Variants in STXBP5L observed in about 807,000 individuals in gnomAD.
STXBP5L encodes syntaxin binding protein 5L.
A neutral mutation model predicts 144.5 loss-of-function variants in STXBP5L; 65 were observed. That is an observed-to-expected ratio of 0.45 (90% CI 0.37 to 0.55). The LOEUF is 0.55. Ranked by LOEUF, STXBP5L falls within the 20% of genes least tolerant of loss-of-function variation. The probability of loss-of-function intolerance (pLI) is 0.00; values close to 1 mark genes in which losing one functional copy is unlikely to be tolerated. For synonymous variants in STXBP5L, 505 were observed against 469.6 expected (o/e 1.08, Z -0.97); for missense variants, 1,298 against 1,405.5 (o/e 0.92, Z 1.22).
At chr3:120,908,731 C>A (rs891084644) in intron 1 of STXBP5L, among the ~76,000 whole-genome samples, 3 of 151,306 alleles carry the variant, frequency 2.0e-5, no homozygotes, top group African/African-American at 7.3e-5. Flanking sequence ...GAGCGGCTGC[C>A]GTGCAGCGGG....
rs913510806 is a variant in STXBP5L, at chr3:121,059,178, G to A, written c.470+13643G>A. Among the ~76,000 whole-genome samples the A allele has an allele frequency of 3.9e-4, 59 of 152,242 alleles. 3 individuals carry two copies. The highest frequency in any genetic ancestry group is 3.1e-3 in the Admixed American group (48 of 15,290). ...GGTGTAAGGAAGGGGTCCAGTTTCA[G>A]TTTTCAGGATGTGGCTAGCCAGTTT... On this transcript the variant is annotated intron_variant, in intron 5 of 26. Transcript: ENST00000471454.
intron 5 of STXBP5L, chr3:121,049,746 C>G (rs1176089960): frequency 1.3e-5 from 2 of 154,278 alleles, no homozygotes; most frequent in East Asian, 1.9e-4. Context: ...GGATTCAGCC[C>G]CTTTCCTGGA....
intron 5 of STXBP5L, among the ~76,000 whole-genome samples, chr3:121,076,243 T>C (rs1353252817): frequency 2.0e-5 from 3 of 152,212 alleles, no homozygotes; most frequent in Non-Finnish European, 2.9e-5. Context: ...AGGCAAGGGC[T>C]CTGGCTCCTC....
At chr3:121,083,007 C>A (rs755432739) in intron 5 of STXBP5L, among the ~76,000 whole-genome samples, 10 of 151,950 alleles carry the variant, frequency 6.6e-5, no homozygotes, top group Non-Finnish European at 1.5e-4. Flanking sequence ...GACATCCTGG[C>A]CAACATGGTG....
rs759195951 is a variant in STXBP5L at position 120,954,928 on chromosome 3, G to A, written c.190-12G>A. The A allele has an allele frequency of 6.9e-6, 11 of 1,602,074 alleles. No homozygotes were observed. Among genetic ancestry groups the A allele is most frequent in the Admixed American group, 1.7e-5 (1 of 59,078 alleles). On this transcript the variant is annotated splice_polypyrimidine_tract_variant and intron_variant, in intron 2 of 26. Transcript: ENST00000471454. ...CCCTAGAGACTTATTGGTATTATTTGCTCTCTTTCAGACAGTTCGGCATGG... is the reference window on the plus strand; with the variant it reads ...CCCTAGAGACTTATTGGTATTATTTACTCTCTTTCAGACAGTTCGGCATGG...
At chr3:121,003,530 T>C (rs1943973292) in intron 3 of STXBP5L, among the ~76,000 whole-genome samples, 1 of 152,220 alleles carries the variant, frequency 6.6e-6, no homozygotes, top group Admixed American at 6.5e-5. Flanking sequence ...GTAGTTTCTT[T>C]TGCTGTGCAG....
At chr3:121,355,862 A>G (rs2045491450) in intron 20 of STXBP5L, among the ~76,000 whole-genome samples, 1 of 152,118 alleles carries the variant, frequency 6.6e-6, no homozygotes, top group Non-Finnish European at 1.5e-5. Context: ...TGACCTACAG[A>G]TGGGGTTTTG....
At chr3:121,008,674 G>T (rs905514303) in intron 3 of STXBP5L, among the ~76,000 whole-genome samples, 1 of 151,948 alleles carries the variant, frequency 6.6e-6, no homozygotes, top group South Asian at 2.1e-4. Flanking sequence ...TAGGCTGCTA[G>T]CTTTTAGCTT....
chr3:121,171,166 A>T (rs1287750849), intron 9 of STXBP5L, among the ~76,000 whole-genome samples: 1 of 152,206 alleles, frequency 6.6e-6, no homozygotes, highest in Non-Finnish European at 1.5e-5. Flanking sequence ...ACACCCCTTC[A>T]TGCTAAAAAC....
rs144864496 is a variant in STXBP5L at position 120,959,257 on chromosome 3, C to T, written c.287+4220C>T. The stretch of plus-strand genomic sequence containing the variant: ...CTGCTCAATGAACTTAAAGAGGATA[C>T]AAACAAATGGAAGAACATTCCATGC... On this transcript the variant is annotated intron_variant, in intron 3 of 26. Transcript: ENST00000471454. Among the ~76,000 whole-genome samples, 356 of 152,214 alleles carry T rather than the reference C, an allele frequency of 2.3e-3. 2 individuals are homozygous for T. The highest frequency in any genetic ancestry group is 8.0e-3 in the African/African-American group (331 of 41,524).
intron 20 of STXBP5L, among the ~76,000 whole-genome samples, chr3:121,352,037 G>T (rs946552972): frequency 2.0e-5 from 3 of 152,144 alleles, no homozygotes; most frequent in South Asian, 2.1e-4. Flanking sequence ...TGTTCCATTG[G>T]TCTATATCTC....
At chr3:120,978,608 G>A (rs959679838) in intron 3 of STXBP5L, among the ~76,000 whole-genome samples, 1 of 152,206 alleles carries the variant, frequency 6.6e-6, no homozygotes, top group East Asian at 1.9e-4. Flanking sequence ...TCCTTTGGAG[G>A]ATGAGAGGCA....
At chr3:120,977,685 G>A (rs1036763428) in intron 3 of STXBP5L, among the ~76,000 whole-genome samples, 3 of 152,152 alleles carry the variant, frequency 2.0e-5, no homozygotes, top group Admixed American at 1.3e-4. Flanking sequence ...GCTGGTACCA[G>A]TTGTTTCTTT....
chr3:121,346,530 G>T (rs1296364495), intron 20 of STXBP5L, among the ~76,000 whole-genome samples: 2 of 152,080 alleles, frequency 1.3e-5, no homozygotes, highest in East Asian at 3.9e-4. Context: ...TCGCCACACT[G>T]TCTTCCACAA....
chr3:121,312,971 C>T lies in STXBP5L; in HGVS notation c.2111-5504C>T, dbSNP rs1433537437. On this transcript the variant is annotated intron_variant, in intron 19 of 26. Coordinates refer to ENST00000471454, the MANE Select transcript of STXBP5L (RefSeq NM_001308330.2). Reference sequence around the variant, plus strand: ...ATCATGGCCCATCACCAATGAGCCGCTGGGCACACCTCCCAGACGGGGTCA... The same window carrying T: ...ATCATGGCCCATCACCAATGAGCCGTTGGGCACACCTCCCAGACGGGGTCA... 2.0e-5 allele frequency among the ~76,000 whole-genome samples: 3 copies of T among 152,226 alleles called. No individual in the cohort carries two copies. In the East Asian group the frequency reaches 5.8e-4, roughly 29 times the overall value.
chr3:120,935,459 A>T (rs1710214267), intron 2 of STXBP5L, among the ~76,000 whole-genome samples: 1 of 151,692 alleles, frequency 6.6e-6, no homozygotes, highest in Admixed American at 6.6e-5. Context: ...TATTTCCCTA[A>T]CAGTCTTTCT....
intron 7 of STXBP5L, among the ~76,000 whole-genome samples, chr3:121,124,350 C>G (rs1394853332): frequency 6.6e-6 from 1 of 151,830 alleles, no homozygotes; most frequent in African/African-American, 2.4e-5. Flanking sequence ...CAATGTGATT[C>G]TCAATTGGGA....
intron 3 of STXBP5L, among the ~76,000 whole-genome samples, chr3:121,006,846 A>T (rs1944355019): frequency 6.6e-6 from 1 of 152,106 alleles, no homozygotes; most frequent in African/African-American, 2.4e-5. Context: ...TGGGTTGAAA[A>T]TTATTTTCTT....
intron 3 of STXBP5L, among the ~76,000 whole-genome samples, chr3:121,015,176 A>T (rs1046443731): frequency 2.0e-5 from 3 of 152,102 alleles, no homozygotes; most frequent in Middle Eastern, 3.2e-3. Flanking sequence ...TGACAAGGTG[A>T]TTTAAAACTC....
Sources: gnomAD v4.1 joint callset for allele counts (sites outside exome capture counted in the v4.1 genomes callset) on GRCh38, gnomAD v4.1.1 for gene constraint, MANE v1.5 for transcripts, NCBI Gene and HGNC (gene_info 2026-07-23, HGNC 2026-07-21) for gene names.